ISM1: variants seen among roughly 807,000 people sequenced by gnomAD.
ISM1 encodes isthmin 1, also known as isthmin-1.
Under a neutral mutation model 46.3 loss-of-function variants are expected in ISM1, and 25 were observed. The ratio of observed to expected loss-of-function variants is 0.54; its 90% confidence interval spans 0.39 to 0.75. The LOEUF (loss-of-function observed/expected upper bound fraction) is 0.75, where lower values mean the gene tolerates loss of function less well. Ranked by LOEUF, ISM1 falls within the 30% of genes least tolerant of loss-of-function variation. ISM1 has a pLI of 0.00. For missense variants in ISM1, 536 were observed against 625.4 expected (o/e 0.86, Z 1.52); for synonymous variants, 255 against 256.7 (o/e 0.99, Z 0.06).
chr20:13,299,488 CCT>C lies in ISM1; in HGVS notation c.*32_*33del. On this transcript the variant is annotated 3_prime_UTR_variant, in exon 6 of 6. Transcript: ENST00000262487. This position sits in a 1 kb window ranked among gnomAD's most constrained non-coding sequence, Gnocchi z 5.8. ...GACTGGGATGAGGTGGAGGACGCTG[CCT>C]CTGGTTCTGGAGCACACACGTGCTG... 6.4e-7 allele frequency: 1 copy of C among 1,569,762 alleles called. No individual in the cohort carries two copies. Among genetic ancestry groups the C allele is most frequent in the South Asian group, 1.1e-5 (1 of 87,512 alleles).
chr20:13,298,901 T>G, intron 5 of ISM1, 41 bp from the exon 6 acceptor site: 2 of 1,597,332 alleles, frequency 1.3e-6, no homozygotes, highest in African/African-American at 2.7e-5. Flanking sequence ...TGTGGGCCGG[T>G]TGTACACGCG....
chr20:13,221,740 C>A lies in ISM1; in HGVS notation c.-37C>A. The A allele has an allele frequency of 7.4e-7, 1 of 1,354,822 alleles. No homozygotes were observed. Among genetic ancestry groups the A allele is most frequent in the Non-Finnish European group, 9.5e-7 (1 of 1,057,186 alleles). The allele number at this position is 1,354,822 out of a possible 1,614,324, so 83.9% of individuals were successfully genotyped here. Reference sequence around the variant, plus strand: ...CGGCGTCACCGCCGCCGCCGCCGGCCGCCGCGCCGGGTCCTAAAGCCGCGC... The same window carrying A: ...CGGCGTCACCGCCGCCGCCGCCGGCAGCCGCGCCGGGTCCTAAAGCCGCGC... On this transcript the variant is annotated 5_prime_UTR_variant, in exon 1 of 6. Transcript: ENST00000262487.
intron 1 of ISM1, among the ~76,000 whole-genome samples, chr20:13,229,878 T>G (rs1172697983): frequency 6.6e-6 from 1 of 152,190 alleles, no homozygotes; most frequent in African/African-American, 2.4e-5. Context: ...CCAATTCTGT[T>G]GTGGATTGAC....
intron 1 of ISM1, among the ~76,000 whole-genome samples, chr20:13,257,625 C>A (rs111285512): frequency 6.6e-6 from 1 of 151,668 alleles, no homozygotes; most frequent in South Asian, 2.1e-4. Context: ...GTTTTGTTGA[C>A]GAGACCTGAT....
chr20:13,302,172 G>A (rs560483103), downstream of ISM1, among the ~76,000 whole-genome samples: 7 of 152,220 alleles, frequency 4.6e-5, no homozygotes, highest in African/African-American at 1.7e-4. Context: ...TTCTTACTAC[G>A]GTGAAAATGA....
At position 13,221,498 on chromosome 20, in the gene ISM1, G is replaced by T. The variant is rs1418235668; in HGVS notation, c.-279G>T. Among the ~76,000 whole-genome samples, 8 of 144,128 alleles carry T rather than the reference G, an allele frequency of 5.6e-5. No homozygotes were observed. The East Asian group carries it at 1.7e-3, about 30-fold the overall frequency. The allele number at this position is 144,128 out of a possible 152,430, so 94.6% of individuals were successfully genotyped here. ...GCCGCCGCCGCCAGGCAGCGCCGGG[G>T]CTTGCTCCGCAGCCGGCTTGGACAC... On this transcript the variant is annotated 5_prime_UTR_variant, in exon 1 of 6. Transcript: ENST00000262487.
chr20:13,304,823 T>C (rs2040487316), downstream of ISM1, among the ~76,000 whole-genome samples: 1 of 152,096 alleles, frequency 6.6e-6, no homozygotes, highest in Non-Finnish European at 1.5e-5. Flanking sequence ...CCTATAGCAG[T>C]CACCTACTTG....
chr20:13,294,211 T>C (rs1386348580), intron 5 of ISM1, among the ~76,000 whole-genome samples: 1 of 152,126 alleles, frequency 6.6e-6, no homozygotes, highest in South Asian at 2.1e-4. Flanking sequence ...TTGATAGAAA[T>C]TTATTTTAAA....
the ISM1 span, among the ~76,000 whole-genome samples, chr20:13,312,502 C>G: frequency 1.3e-5 from 2 of 152,196 alleles, no homozygotes; most frequent in African/African-American, 4.8e-5. Flanking sequence ...CTGAGATAAA[C>G]AGAGCACTAG....
At chr20:13,271,022 G>A (rs1274776650) in intron 2 of ISM1, among the ~76,000 whole-genome samples, 1 of 152,116 alleles carries the variant, frequency 6.6e-6, no homozygotes, top group Non-Finnish European at 1.5e-5. Context: ...ACTAATTTAA[G>A]AGACAGTGAA....
At chr20:13,292,540 T>C (rs2040364762) in intron 5 of ISM1, 77 bp downstream of exon 5, 1 of 874,084 alleles carries the variant, frequency 1.1e-6, no homozygotes, top group Non-Finnish European at 1.8e-6. Flanking sequence ...AATGCCATCC[T>C]TGGATCCACG....
chr20:13,227,860 C>A (rs895229699), intron 1 of ISM1, among the ~76,000 whole-genome samples: 3 of 151,600 alleles, frequency 2.0e-5, no homozygotes, highest in African/African-American at 7.3e-5. Flanking sequence ...TTAATAATGT[C>A]TATCTTAGGA....
At position 13,265,193 on chromosome 20, in the gene ISM1, T is replaced by C. The variant is rs555746425; in HGVS notation, c.139-5311T>C. 7.2e-5 allele frequency among the ~76,000 whole-genome samples: 11 copies of C among 152,332 alleles called. No homozygotes were observed. The East Asian group carries it at 7.7e-4, about 11-fold the overall frequency. ...GACCTGAGAGACTCCTTCACCAAGA[T>C]TGCAAAGCTCCTGAACCCCTCCCCA... On this transcript the variant is annotated intron_variant, in intron 1 of 5. Transcript: ENST00000262487.
chr20:13,228,411 G>A (rs6109764), intron 1 of ISM1, among the ~76,000 whole-genome samples: 43,786 of 151,986 alleles, frequency 0.29, 6,587 homozygotes, highest in African/African-American at 0.39. Context: ...TTGATTCTCA[G>A]AATTAAATGC....
chr20:13,268,344 CTTCCTCTCTCTCTCTCTCT>C (rs2040071287), intron 1 of ISM1, among the ~76,000 whole-genome samples: 1 of 55,884 alleles, frequency 1.8e-5, no homozygotes, highest in African/African-American at 7.4e-5. Context: ...TCTCCTTCTT[CTTCCTCTCTCTCTCTCTCT>C]CTCTCTCTCT....
intron 5 of ISM1, among the ~76,000 whole-genome samples, chr20:13,296,577 C>G (rs532125749): frequency 2.6e-5 from 4 of 151,952 alleles, no homozygotes; most frequent in Non-Finnish European, 5.9e-5. Context: ...GTGGCATGAT[C>G]AGATAGTAGA....
intron 1 of ISM1, among the ~76,000 whole-genome samples, chr20:13,268,592 A>G (rs981750051): frequency 6.6e-6 from 1 of 152,200 alleles, no homozygotes; most frequent in Admixed American, 6.5e-5. Flanking sequence ...GAGCAAAAAC[A>G]TGCTGCAGAG....
Position 13,279,628 on chromosome 20 carries a change from C to A in ISM1, c.379-6C>A. 3.1e-6 allele frequency: 5 copies of A among 1,610,554 alleles called. No individual in the cohort carries two copies. Among genetic ancestry groups the A allele is most frequent in the Non-Finnish European group, 4.2e-6 (5 of 1,177,666 alleles). ...CACTGACCCCAGCCTGTTCTGAATT[C>A]TTCAGGTCACCATAGAGGTGGTCGA... On this transcript the variant is annotated splice_region_variant and splice_polypyrimidine_tract_variant and intron_variant, in intron 2 of 5. Transcript: ENST00000262487.
At chr20:13,305,122 T>C (rs1471828522), downstream of ISM1, among the ~76,000 whole-genome samples, 1 of 149,620 alleles carries the variant, frequency 6.7e-6, no homozygotes, top group Non-Finnish European at 1.5e-5. Context: ...CTATGGGTGA[T>C]AAATCTACCA....
Sources: allele counts gnomAD v4.1 joint callset (sites outside exome capture counted in the v4.1 genomes callset), GRCh38; gene constraint gnomAD v4.1.1; non-coding constraint Gnocchi (gnomAD v3.1); transcripts MANE v1.5; gene names NCBI Gene and HGNC (gene_info 2026-07-23, HGNC 2026-07-21).